Variants in MOV10 observed in about 807,000 individuals in gnomAD.
MOV10 encodes the protein RNA helicase MOV-10.
MOV10 carries 39 observed loss-of-function variants against 108.4 expected under a neutral mutation model. That is an observed-to-expected ratio of 0.36 (90% CI 0.28 to 0.47). The LOEUF is 0.47. Among genes scored for constraint, MOV10 ranks in the 20% least tolerant of loss-of-function variants. The probability of loss-of-function intolerance (pLI) is 1.00; values close to 1 mark genes in which losing one functional copy is unlikely to be tolerated. For missense variants in MOV10, 952 were observed against 1,297.6 expected, an observed-to-expected ratio of 0.73 and a Z score of 4.09; for synonymous variants, 490 against 523.1, an observed-to-expected ratio of 0.94 and a Z score of 0.86.
chr1:112,694,363 T>A lies in MOV10; in HGVS notation c.1296-90T>A. On this transcript the variant is annotated intron_variant, in intron 8 of 20. Transcript: ENST00000369645. This position sits in a 1 kb window ranked among gnomAD's most constrained non-coding sequence, Gnocchi z 4.1. ...TGCATAGAGGTCTTGGAAAGAGGGGTTGGGACACTGGTTGGTGGAGAAAGT... is the reference window on the plus strand; with the variant it reads ...TGCATAGAGGTCTTGGAAAGAGGGGATGGGACACTGGTTGGTGGAGAAAGT... 6.5e-7 allele frequency: 1 copy of A among 1,529,470 alleles called. No homozygotes were observed. Among genetic ancestry groups the A allele is most frequent in the Non-Finnish European group, 9.0e-7 (1 of 1,114,978 alleles). 94.7% of individuals were successfully genotyped at this position (1,529,470 alleles called of 1,614,324 possible).
Position 112,698,262 on chromosome 1 carries a change from C to T in MOV10, c.2317-25C>T, listed in dbSNP as rs191019444. On this transcript the variant is annotated intron_variant, in intron 15 of 20. Transcript: ENST00000369645. ...AATAGAGGGAGGGTGGTCTGGCTGACGGTTTCCCCCGACCCCATGTCCAGG... is the reference window on the plus strand; with the variant it reads ...AATAGAGGGAGGGTGGTCTGGCTGATGGTTTCCCCCGACCCCATGTCCAGG... 29 of 1,606,316 alleles carry T rather than the reference C, an allele frequency of 1.8e-5. No homozygotes were observed. The South Asian group carries it at 2.0e-4, about 11-fold the overall frequency.
In MOV10 at chr1:112,696,502, G is replaced by C. The variant is rs769076201; in HGVS notation, c.1949G>C (p.Cys650Ser). The C allele has an allele frequency of 8.1e-6, 13 of 1,614,024 alleles. No individual in the cohort carries two copies. The highest frequency in any genetic ancestry group is 1.1e-5 in the Non-Finnish European group (13 of 1,180,010). Residue 650 changes from cysteine (C) to serine (S), a missense_variant, in exon 13 of 21, where the codon TGC becomes TCC. By Grantham distance (112) the Cys-to-Ser change is moderately radical (BLOSUM62 -1). Transcript: ENST00000369645. ...THIFIDEAGHCMEPESLVAIA... is the reference protein window; with the variant it reads ...THIFIDEAGHSMEPESLVAIA... ...ATCTTCATCGATGAGGCTGGCCACT[G>C]CATGGAGCCTGAGAGTCTGGTAGCT...
At position 112,689,976 on chromosome 1, in the gene MOV10, G is replaced by A; in HGVS notation, c.714G>A (p.Leu238=). ...GCACATTCTACATTGCCCGCTTCTTGGCTGCCGTCGCCCACAGCCCCCTGG... is the reference window on the plus strand; with the variant it reads ...GCACATTCTACATTGCCCGCTTCTTAGCTGCCGTCGCCCACAGCCCCCTGG... ...GAGTFYIARF[L]AAVAHSPLAA... The change falls in exon 5 of 21, where the codon TTG becomes TTA. Residue 238 remains leucine (L), a synonymous_variant. Transcript: ENST00000369645. 1.9e-6 allele frequency: 3 copies of A among 1,614,158 alleles called. No individual in the cohort carries two copies. Among genetic ancestry groups the A allele is most frequent in the Admixed American group, 1.7e-5 (1 of 60,030 alleles).
intron 10 of MOV10, 112 bp from the exon 11 acceptor site, chr1:112,695,304 A>C: frequency 9.0e-7 from 1 of 1,111,894 alleles, no homozygotes; most frequent in African/African-American, 1.6e-5. Context: ...GCACTGCATG[A>C]ATCTTGGAGT....
chr1:112,688,642 C>G (rs887769884), intron 2 of MOV10: 166 of 1,324,666 alleles, frequency 1.3e-4, no homozygotes, highest in African/African-American at 3.8e-4. Flanking sequence ...TTCCCTCAGT[C>G]CTTCCAGTCA....
Position 112,693,998 on chromosome 1 carries a change from CT to C in MOV10, c.1141-18del. 1 of 1,613,434 alleles carries C rather than the reference CT, an allele frequency of 6.2e-7. No individual in the cohort carries two copies. The highest frequency in any genetic ancestry group is 8.5e-7 in the Non-Finnish European group (1 of 1,179,664). Reference sequence around the variant, plus strand: ...CGTCCATCCCTGGGACAGAAGCTTGCTTGTGTTCACACCCCATAGGTTCCTG... The same window carrying C: ...CGTCCATCCCTGGGACAGAAGCTTGCTGTGTTCACACCCCATAGGTTCCTG... On this transcript the variant is annotated intron_variant, in intron 7 of 20. Transcript: ENST00000369645.
chr1:112,699,738 C>T lies in MOV10; in HGVS notation c.2637C>T (p.Ser879=). The T allele has an allele frequency of 1.2e-6, 2 of 1,614,234 alleles. No individual in the cohort carries two copies. The highest frequency in any genetic ancestry group is 3.3e-5 in the Admixed American group (2 of 60,026). Residue 879 remains serine, a synonymous_variant, in exon 18 of 21, where the codon TCC becomes TCT. Transcript: ENST00000369645. ...AAGAACGAAGCGTCATCCTCATCTC[C>T]ACCGTGCGAAGCAGCCAGAGCTTTG... is the stretch of plus-strand genomic sequence containing the variant. ...QGQERSVILI[S]TVRSSQSFVQ...
At chr1:112,693,237 T>C (rs530591538) in intron 7 of MOV10, among the ~76,000 whole-genome samples, 46 of 152,318 alleles carry the variant, frequency 3.0e-4, no homozygotes, top group Non-Finnish European at 5.9e-4. Context: ...TTTCTGGCTC[T>C]TGGATTTTCA....
chr1:112,680,699 A>T (rs1464870927), intron 2 of MOV10, among the ~76,000 whole-genome samples: 6 of 123,020 alleles, frequency 4.9e-5, no homozygotes, highest in East Asian at 2.6e-4. Flanking sequence ...TCACCTTTTC[A>T]TTTATCTCTT....
chr1:112,689,746 C>T (rs1673410239), intron 4 of MOV10, 94 bp from the exon 5 acceptor site: 2 of 1,582,682 alleles, frequency 1.3e-6, no homozygotes, highest in African/African-American at 1.3e-5. Context: ...CCATGGGACT[C>T]TTGCCTTGGG....
At chr1:112,697,530 TAA>T (rs1674216574) in intron 14 of MOV10, among the ~76,000 whole-genome samples, 1 of 152,164 alleles carries the variant, frequency 6.6e-6, no homozygotes, top group Admixed American at 6.5e-5. Context: ...TTATTCAAAT[TAA>T]AGAGCTGTAT....
intron 3 of MOV10, 30 bp from the exon 4 acceptor site, chr1:112,689,385 C>A: frequency 1.0e-5 from 12 of 1,182,956 alleles, no homozygotes; most frequent in Non-Finnish European, 1.5e-5. Context: ...GCTCCCACCC[C>A]AACCCCCCCT....
chr1:112,691,606 C>G (rs1033022992), intron 5 of MOV10, 59 bp from the exon 6 acceptor site: 2 of 1,580,248 alleles, frequency 1.3e-6, no homozygotes, highest in Admixed American at 1.7e-5. Flanking sequence ...CCCAGAGGGG[C>G]GTTCTCAGAG....
At chr1:112,690,510 C>G (rs1213689297) in intron 5 of MOV10, among the ~76,000 whole-genome samples, 1 of 152,100 alleles carries the variant, frequency 6.6e-6, no homozygotes, top group Admixed American at 6.5e-5. Flanking sequence ...CAGGCGCCCA[C>G]TACAACACCC....
Position 112,675,557 on chromosome 1 carries a change from G to T in MOV10, c.137+508G>T, listed in dbSNP as rs1256232816. Among the ~76,000 whole-genome samples, 1 of 152,242 alleles carries T rather than the reference G, an allele frequency of 6.6e-6. No individual in the cohort carries two copies. Among genetic ancestry groups the T allele is most frequent in the African/African-American group, 2.4e-5 (1 of 41,468 alleles). ...ATCTGGGAGAACTGAAGAGGCCCAG[G>T]GTAGAAGGGAGAAGCTCAGGAAGCT... On this transcript the variant is annotated intron_variant, in intron 2 of 20. Coordinates refer to ENST00000369645, the MANE Select transcript of MOV10 (RefSeq NM_001321324.2). This position sits in a 1 kb window ranked among gnomAD's most constrained non-coding sequence, Gnocchi z 4.7.
chr1:112,692,631 C>T (rs765371847), intron 6 of MOV10, 130 bp from the exon 7 acceptor site: 36 of 1,275,814 alleles, frequency 2.8e-5, no homozygotes, highest in Non-Finnish European at 3.8e-5. Flanking sequence ...CTGTATCCCT[C>T]TAGTCTTCTC....
Position 112,698,025 on chromosome 1 carries a change from C to T in MOV10, c.2230C>T (p.Gln744Ter), listed in dbSNP as rs1409683814. Reference protein sequence around the residue: ...SHPTILDIPNQLYYEGELQAC... With the variant: ...SHPTILDIPN ...TCCCACCATCCTGGACATTCCTAAC[C>T]AGCTCTATTATGAAGGGGAGCTGCA... The change falls in exon 15 of 21, where the codon CAG becomes TAG. Residue 744 changes from glutamine (Q) to a stop codon, truncating the protein, a stop_gained. Transcript: ENST00000369645. LOFTEE classifies it high-confidence loss of function. The T allele has an allele frequency of 6.2e-7, 1 of 1,614,202 alleles. No individual in the cohort carries two copies. Among genetic ancestry groups the T allele is most frequent in the Non-Finnish European group, 8.5e-7 (1 of 1,180,016 alleles).
chr1:112,699,858 C>T (rs747469078), intron 18 of MOV10, 36 bp from the exon 19 acceptor site: 5 of 1,614,046 alleles, frequency 3.1e-6, no homozygotes, highest in Middle Eastern at 1.6e-4. Context: ...TCTCGGGGCT[C>T]TTCCCTCCCA....
chr1:112,694,706 TC>T lies in MOV10; in HGVS notation c.1473-42del. 6.2e-7 allele frequency: 1 copy of T among 1,604,068 alleles called. No homozygotes were observed. Among genetic ancestry groups the T allele is most frequent in the Non-Finnish European group, 8.5e-7 (1 of 1,173,274 alleles). On this transcript the variant is annotated intron_variant, in intron 9 of 20. Coordinates refer to ENST00000369645, the MANE Select transcript of MOV10 (RefSeq NM_001321324.2). The surrounding 1 kb of genome is among the most constrained non-coding windows in gnomAD (Gnocchi z 4.1). Reference sequence around the variant, plus strand: ...GGGTGGAGTCAGGGAGGCCTCTGGGTCACTGGATGACTTCAAGTTCACATTC... The same window carrying T: ...GGGTGGAGTCAGGGAGGCCTCTGGGTACTGGATGACTTCAAGTTCACATTC...
Sources: gnomAD v4.1 joint callset for allele counts (sites outside exome capture counted in the v4.1 genomes callset) on GRCh38, gnomAD v4.1.1 for gene constraint, Gnocchi (gnomAD v3.1) non-coding constraint, MANE v1.5 for transcripts, NCBI Gene and HGNC (gene_info 2026-07-23, HGNC 2026-07-21) for gene names.